The following AK8 variants were observed in gnomAD, a reference collection of about 807,000 sequenced individuals.
The protein encoded by AK8 is adenylate kinase 8, also known as ATP-AMP transphosphorylase 8.
In AK8, 44 loss-of-function variants were observed where a neutral mutation model predicts 54.6. The observed-to-expected ratio is 0.81, with a 90% CI of 0.63 to 1.04. The LOEUF (loss-of-function observed/expected upper bound fraction) is 1.04. AK8 is among the 50% of genes least tolerant of loss of function. The probability of loss-of-function intolerance (pLI) is 0.00; values close to 1 mark genes in which losing one functional copy is unlikely to be tolerated. For missense variants in AK8, 555 were observed against 613.6 expected, an observed-to-expected ratio of 0.90 and a Z score of 1.01; for synonymous variants, 239 against 245.6, an observed-to-expected ratio of 0.97 and a Z score of 0.25.
chr9:132,844,280 A>G lies in AK8; in HGVS notation c.402+10577T>C, dbSNP rs74311584. Among the ~76,000 whole-genome samples, 32 of 150,304 alleles carry G rather than the reference A, an allele frequency of 2.1e-4. No individual in the cohort carries two copies. In the East Asian group the frequency reaches 6.1e-3, roughly 28 times the overall value. ...GGTCACTTCAAAAAAAAATTCTTCA[A>G]AGAGACTGCATTAGACCAAAAAAAA... On this transcript the variant is annotated intron_variant, in intron 5 of 12. Transcript: ENST00000298545.
At chr9:132,832,238 C>T (rs868180006) in intron 5 of AK8, among the ~76,000 whole-genome samples, 25 of 149,726 alleles carry the variant, frequency 1.7e-4, no homozygotes, top group African/African-American at 5.2e-4. Context: ...TTGAATTATA[C>T]AGGAAGACTC....
At chr9:132,832,661 A>G (rs910230270) in intron 5 of AK8, among the ~76,000 whole-genome samples, 2 of 152,162 alleles carry the variant, frequency 1.3e-5, no homozygotes, top group Admixed American at 6.6e-5. Flanking sequence ...TGCATTACTG[A>G]GCAATCATTA....
At chr9:132,761,106 C>T (rs1021883997) in intron 11 of AK8, among the ~76,000 whole-genome samples, 11 of 152,054 alleles carry the variant, frequency 7.2e-5, no homozygotes, top group African/African-American at 2.7e-4. Context: ...AGTTTGTTCA[C>T]AATGGGAATA....
chr9:132,817,309 AAC>A (rs1214015225), intron 9 of AK8, among the ~76,000 whole-genome samples: 1 of 152,244 alleles, frequency 6.6e-6, no homozygotes, highest in Non-Finnish European at 1.5e-5. Context: ...AAATGTGAGA[AAC>A]ACAATGTCTA....
intron 10 of AK8, among the ~76,000 whole-genome samples, chr9:132,807,224 G>C (rs1000313117): frequency 6.6e-6 from 1 of 152,194 alleles, no homozygotes; most frequent in Admixed American, 6.5e-5. Flanking sequence ...CTGCCAGTTA[G>C]GAGCTCACCG....
chr9:132,799,342 G>A lies in AK8; in HGVS notation c.980-6567C>T, dbSNP rs1196315944. 1.3e-5 allele frequency among the ~76,000 whole-genome samples: 2 copies of A among 152,176 alleles called. No homozygotes were observed. Among genetic ancestry groups the A allele is most frequent in the African/African-American group, 4.8e-5 (2 of 41,432 alleles). On this transcript the variant is annotated intron_variant, in intron 10 of 12. Coordinates refer to ENST00000298545, the MANE Select transcript of AK8 (RefSeq NM_152572.3). This position sits in a 1 kb window ranked among gnomAD's most constrained non-coding sequence, Gnocchi z 5.0. ...TAGCTCCTTCAGCCAGTGGCTTAAAGATAAAAAACATGCTAAGGTTGATTG... is the reference window on the plus strand; with the variant it reads ...TAGCTCCTTCAGCCAGTGGCTTAAAAATAAAAAACATGCTAAGGTTGATTG...
At chr9:132,760,073 T>C (rs937496568) in intron 11 of AK8, among the ~76,000 whole-genome samples, 1 of 152,236 alleles carries the variant, frequency 6.6e-6, no homozygotes, top group Non-Finnish European at 1.5e-5. Context: ...TGCCTCCCTC[T>C]TAGGGATTCT....
intron 7 of AK8, chr9:132,827,301 A>G: frequency 3.5e-6 from 2 of 570,592 alleles, no homozygotes; most frequent in African/African-American, 3.7e-5. Flanking sequence ...ACTTCTGAGC[A>G]CTTACTCTGT....
chr9:132,878,333 G>A (rs1844249878), upstream of AK8: 18 of 1,293,978 alleles, frequency 1.4e-5, no homozygotes, highest in Non-Finnish European at 1.7e-5. This position sits in a 1 kb window ranked among gnomAD's most constrained non-coding sequence, Gnocchi z 4.7. Context: ...AGCACGCGCC[G>A]CGGCCCCGCC....
intron 11 of AK8, among the ~76,000 whole-genome samples, chr9:132,767,764 A>G (rs1318862405): frequency 2.0e-5 from 3 of 152,256 alleles, no homozygotes; most frequent in Admixed American, 2.0e-4. Context: ...ACAATGAAGT[A>G]CTATTCAGCC....
intron 5 of AK8, among the ~76,000 whole-genome samples, chr9:132,829,789 C>T (rs1318601979): frequency 1.3e-5 from 2 of 152,042 alleles, no homozygotes. Context: ...CTCCTGGGCT[C>T]GAGCAATCCT....
chr9:132,803,810 C>A lies in AK8; in HGVS notation c.979+10828G>T, dbSNP rs140966217. On this transcript the variant is annotated intron_variant, in intron 10 of 12. Coordinates refer to ENST00000298545, the MANE Select transcript of AK8 (RefSeq NM_152572.3). This position sits in a 1 kb window ranked among gnomAD's most constrained non-coding sequence, Gnocchi z 4.4. The stretch of plus-strand genomic sequence containing the variant: ...CCCTGTGACCTGTCTCCTCTTTGTT[C>A]CTTCAAGACTAATTCTCTGGGCCGG... Among the ~76,000 whole-genome samples, 1 of 152,118 alleles carries A rather than the reference C, an allele frequency of 6.6e-6. No individual in the cohort carries two copies. The highest frequency in any genetic ancestry group is 1.5e-5 in the Non-Finnish European group (1 of 68,000).
Position 132,803,650 on chromosome 9 carries a change from GC to G in AK8, c.980-10876del, listed in dbSNP as rs1840574665. ...GGAGCTCTGAGGGGGCGCATGGCTT[GC>G]CCAGGAGCACAGCTGGGAGGAAGCA... On this transcript the variant is annotated intron_variant, in intron 10 of 12. Coordinates refer to ENST00000298545, the MANE Select transcript of AK8 (RefSeq NM_152572.3). The surrounding 1 kb of genome is among the most constrained non-coding windows in gnomAD (Gnocchi z 4.4). Among the ~76,000 whole-genome samples the G allele has an allele frequency of 6.6e-6, 1 of 152,160 alleles. No homozygotes were observed. Among genetic ancestry groups the G allele is most frequent in the South Asian group, 2.1e-4 (1 of 4,828 alleles).
At chr9:132,827,672 GT>G (rs1841931037) in intron 7 of AK8, among the ~76,000 whole-genome samples, 1 of 152,196 alleles carries the variant, frequency 6.6e-6, no homozygotes. Context: ...AGAATAAGGG[GT>G]GTCAAGGGGG....
intron 11 of AK8, among the ~76,000 whole-genome samples, chr9:132,752,562 T>C (rs1837985463): frequency 6.6e-6 from 1 of 152,200 alleles, no homozygotes; most frequent in Admixed American, 6.5e-5. Flanking sequence ...ATTTTCTAAC[T>C]TTTCTACAAT....
chr9:132,836,144 C>A (rs1373368030), intron 5 of AK8, among the ~76,000 whole-genome samples: 2 of 152,068 alleles, frequency 1.3e-5, no homozygotes, highest in African/African-American at 4.8e-5. Flanking sequence ...AAAAAGTTAG[C>A]CAGGCATAGT....
At chr9:132,839,825 G>T (rs966128439) in intron 5 of AK8, among the ~76,000 whole-genome samples, 2 of 147,530 alleles carry the variant, frequency 1.4e-5, no homozygotes, top group African/African-American at 5.1e-5. Context: ...TTTGCCGGGG[G>T]GGGGGGCGCA....
At chr9:132,833,742 C>T (rs1030034028) in intron 5 of AK8, among the ~76,000 whole-genome samples, 8 of 152,240 alleles carry the variant, frequency 5.3e-5, no homozygotes, top group Admixed American at 1.3e-4. Flanking sequence ...AAAGAAAAGA[C>T]GCCAGTCAGC....
intron 10 of AK8, among the ~76,000 whole-genome samples, chr9:132,810,104 T>G (rs1840924899): frequency 6.6e-6 from 1 of 152,238 alleles, no homozygotes; most frequent in African/African-American, 2.4e-5. Context: ...TGGTTATGAA[T>G]GTAAATGCAT....
Sources: allele counts gnomAD v4.1 joint callset (sites outside exome capture counted in the v4.1 genomes callset), GRCh38; gene constraint gnomAD v4.1.1; non-coding constraint Gnocchi (gnomAD v3.1); transcripts MANE v1.5; gene names NCBI Gene and HGNC (gene_info 2026-07-23, HGNC 2026-07-21).